TENM1: variants seen among roughly 807,000 people sequenced by gnomAD.
TENM1 encodes the protein teneurin transmembrane protein 1.
Under a neutral mutation model 174.8 loss-of-function variants are expected in TENM1, and 35 were observed. The ratio of observed to expected loss-of-function variants is 0.20; its 90% CI spans 0.15 to 0.27. The LOEUF (loss-of-function observed/expected upper bound fraction) is 0.27, where lower values mean the gene tolerates loss of function less well. Among genes scored for constraint, TENM1 ranks in the 10% least tolerant of loss-of-function variants. The probability of loss-of-function intolerance (pLI) is 1.00; values close to 1 mark genes in which losing one functional copy is unlikely to be tolerated. For synonymous variants in TENM1, 781 were observed against 798.7 expected (o/e 0.98, Z 0.37); for missense variants, 1,633 against 2,130.1 (o/e 0.77, Z 4.59).
At chrX:124,531,777 A>G (rs929085934) in intron 15 of TENM1, among the ~76,000 whole-genome samples, 3 of 112,500 alleles carry the variant, frequency 2.7e-5, no homozygotes, top group Non-Finnish European at 5.6e-5. Flanking sequence ...TAGAGAAGAC[A>G]TTTGAAGTCA....
At chrX:124,559,275 A>G (rs1340682024) in intron 14 of TENM1, among the ~76,000 whole-genome samples, 1 of 111,569 alleles carries the variant, frequency 9.0e-6, no homozygotes, top group African/African-American at 3.3e-5. Context: ...CAGACTACCT[A>G]GGTTTATATC....
chrX:124,517,751 ATGTATACATATGTAAC>A (rs2047745926), intron 18 of TENM1, among the ~76,000 whole-genome samples: 1 of 109,543 alleles, frequency 9.1e-6, no homozygotes, highest in Non-Finnish European at 1.9e-5. Flanking sequence ...AACATGGTGC[ATGTATACATATGTAAC>A]AAACCTGGAC....
chrX:124,887,363 G>A (rs2057407313), intron 3 of TENM1, among the ~76,000 whole-genome samples: 1 of 111,341 alleles, frequency 9.0e-6, no homozygotes, highest in Non-Finnish European at 1.9e-5. Context: ...TTTGTAGTAT[G>A]TGATCCCATT....
chrX:125,072,875 A>G, the TENM1 span, among the ~76,000 whole-genome samples: 1 of 111,165 alleles, frequency 9.0e-6, no homozygotes, highest in Non-Finnish European at 1.9e-5. Flanking sequence ...ATGTTAAAGG[A>G]GGAAGTTTTG....
chrX:124,564,575 G>T (rs2048899587), intron 12 of TENM1, among the ~76,000 whole-genome samples: 1 of 111,155 alleles, frequency 9.0e-6, no homozygotes, highest in Non-Finnish European at 1.9e-5. Flanking sequence ...AATCATACTT[G>T]TTACTCTGTA....
At chrX:125,020,872 C>A in the TENM1 span, among the ~76,000 whole-genome samples, 20 of 111,380 alleles carry the variant, frequency 1.8e-4, no homozygotes, top group South Asian at 3.7e-4. Flanking sequence ...AAGCTTTTAG[C>A]CCTAAAATGG....
intron 11 of TENM1, among the ~76,000 whole-genome samples, chrX:124,599,403 T>C (rs1170148433): frequency 1.8e-5 from 2 of 110,775 alleles, no homozygotes; most frequent in African/African-American, 6.6e-5. Context: ...GGTCTGGAAT[T>C]AGGAAGAGGT....
intron 3 of TENM1, among the ~76,000 whole-genome samples, chrX:124,879,854 C>A (rs1447643470): frequency 9.0e-6 from 1 of 111,444 alleles, no homozygotes; most frequent in Non-Finnish European, 1.9e-5. Context: ...TTGTATCTAC[C>A]TGATGATATG....
chrX:124,946,617 G>A (rs146982905), intron 1 of TENM1, among the ~76,000 whole-genome samples: 1,717 of 111,286 alleles, frequency 0.015, 13 homozygotes, highest in Non-Finnish European at 0.024. Context: ...AATGATCAGC[G>A]GTGTCAAATG....
At chrX:125,034,237 T>C in the TENM1 span, among the ~76,000 whole-genome samples, 4 of 112,049 alleles carry the variant, frequency 3.6e-5, no homozygotes, top group East Asian at 1.1e-3. Flanking sequence ...CCATCCAAGA[T>C]GCTAGACTTG....
At chrX:124,547,529 T>A (rs9698080) in intron 14 of TENM1, among the ~76,000 whole-genome samples, 7 of 112,189 alleles carry the variant, frequency 6.2e-5, no homozygotes, top group African/African-American at 1.3e-4. Context: ...TGTATTTTTT[T>A]AAAAAATCCT....
At chrX:125,028,048 G>A in the TENM1 span, among the ~76,000 whole-genome samples, 1 of 111,233 alleles carries the variant, frequency 9.0e-6, no homozygotes, top group Non-Finnish European at 1.9e-5. Context: ...AAAACAATTT[G>A]GTAATACCTA....
At chrX:124,382,261 T>G (rs1396197975) in intron 31 of TENM1, among the ~76,000 whole-genome samples, 1 of 111,703 alleles carries the variant, frequency 9.0e-6, no homozygotes, top group Non-Finnish European at 1.9e-5. Flanking sequence ...ATCAGAATAA[T>G]TTTATTCTGT....
intron 22 of TENM1, among the ~76,000 whole-genome samples, chrX:124,463,871 GTGTGTGGA>G (rs1159185054): frequency 3.0e-4 from 32 of 106,432 alleles, no homozygotes; most frequent in Non-Finnish European, 4.1e-4. Flanking sequence ...GTGTGTGTGT[GTGTGTGGA>G]GAGAGAGAGA....
chrX:125,077,200 T>C, the TENM1 span, among the ~76,000 whole-genome samples: 1 of 111,477 alleles, frequency 9.0e-6, no homozygotes. Context: ...TTTTTTAAAA[T>C]TATCTTATTT....
chrX:124,982,929 A>G, the TENM1 span, among the ~76,000 whole-genome samples: 10 of 112,162 alleles, frequency 8.9e-5, no homozygotes, highest in Non-Finnish European at 1.9e-4. Context: ...GTCCAGAGTG[A>G]GCTCGGTTCT....
chrX:124,638,001 A>G (rs902340358), intron 11 of TENM1, among the ~76,000 whole-genome samples: 6 of 112,408 alleles, frequency 5.3e-5, no homozygotes, highest in African/African-American at 1.9e-4. Flanking sequence ...GCTGAGATGG[A>G]TGGAAGAGGA....
At chrX:124,502,719 G>A (rs186894882) in intron 19 of TENM1, among the ~76,000 whole-genome samples, 10 of 112,039 alleles carry the variant, frequency 8.9e-5, no homozygotes, top group Middle Eastern at 4.6e-3. Flanking sequence ...AGGAGAAAGA[G>A]TTATAATGGG....
intron 3 of TENM1, among the ~76,000 whole-genome samples, chrX:124,889,949 C>T (rs746782822): frequency 5.2e-4 from 58 of 111,476 alleles, no homozygotes; most frequent in African/African-American, 1.5e-3. Context: ...TCCCAGTAGA[C>T]GGTAAATTCC....
Sources: allele counts gnomAD v4.1 joint callset (sites outside exome capture counted in the v4.1 genomes callset), GRCh38; gene constraint gnomAD v4.1.1; transcripts MANE v1.5; gene names NCBI Gene and HGNC (gene_info 2026-07-23, HGNC 2026-07-21).